The following DGKB variants were observed in gnomAD, a reference collection of about 807,000 sequenced individuals.
DGKB encodes the protein 90 kDa diacylglycerol kinase.
Under a neutral mutation model 114.3 loss-of-function variants are expected in DGKB, and 67 were observed. The observed-to-expected ratio is 0.59, with a 90% CI of 0.48 to 0.72. The LOEUF is 0.72. Among genes scored for constraint, DGKB ranks in the 30% least tolerant of loss-of-function variants. The probability of loss-of-function intolerance (pLI) is 0.00; values close to 1 mark genes in which losing one functional copy is unlikely to be tolerated. For synonymous variants in DGKB, 398 were observed against 323.1 expected (o/e 1.23, Z -2.49); for missense variants, 907 against 975.2 (o/e 0.93, Z 0.93).
intron 23 of DGKB, among the ~76,000 whole-genome samples, chr7:14,327,203 G>A (rs1259457234): frequency 1.3e-5 from 2 of 152,060 alleles, no homozygotes; most frequent in Non-Finnish European, 2.9e-5. Context: ...ACCTGTTATA[G>A]TTCCTTTTTG....
At chr7:14,929,273 G>A (rs1311965058) in intron 1 of DGKB, among the ~76,000 whole-genome samples, 2 of 151,974 alleles carry the variant, frequency 1.3e-5, no homozygotes, top group Non-Finnish European at 2.9e-5. Flanking sequence ...TGAATAAATT[G>A]GGAGTTCAAT....
chr7:14,695,274 A>G (rs1486351935), intron 8 of DGKB, among the ~76,000 whole-genome samples: 2 of 152,074 alleles, frequency 1.3e-5, no homozygotes, highest in African/African-American at 4.8e-5. Context: ...TAAAACAATG[A>G]CATTTGTTTC....
chr7:14,515,530 T>C (rs973609210), intron 20 of DGKB, among the ~76,000 whole-genome samples: 2 of 152,294 alleles, frequency 1.3e-5, no homozygotes, highest in Middle Eastern at 3.4e-3. Context: ...ATTTGCCTAC[T>C]AAAGTTGGAT....
chr7:14,701,972 T>C (rs1415400846), intron 6 of DGKB, among the ~76,000 whole-genome samples: 2 of 152,162 alleles, frequency 1.3e-5, no homozygotes, highest in African/African-American at 2.4e-5. Context: ...CACTAAAAAG[T>C]ACTATTATTT....
intron 13 of DGKB, among the ~76,000 whole-genome samples, chr7:14,650,891 A>C (rs1403582563): frequency 2.0e-5 from 3 of 152,030 alleles, no homozygotes; most frequent in Non-Finnish European, 4.4e-5. Context: ...AAACTAGAAA[A>C]TCTAGAAGAA....
At chr7:14,570,413 A>G (rs1489595986) in intron 20 of DGKB, among the ~76,000 whole-genome samples, 7 of 152,164 alleles carry the variant, frequency 4.6e-5, no homozygotes, top group African/African-American at 7.2e-5. Flanking sequence ...CCTGAACAAC[A>G]TGGGAGTTAG....
chr7:14,520,099 G>T (rs1789505375), intron 20 of DGKB, among the ~76,000 whole-genome samples: 1 of 151,092 alleles, frequency 6.6e-6, no homozygotes, highest in African/African-American at 2.4e-5. Context: ...TCAATATAAT[G>T]TCTAAAGACA....
intron 21 of DGKB, among the ~76,000 whole-genome samples, chr7:14,435,996 T>A (rs1260544848): frequency 1.3e-5 from 2 of 152,048 alleles, no homozygotes; most frequent in Non-Finnish European, 2.9e-5. Context: ...AAATTATCAG[T>A]CTTTTTGGCA....
intron 20 of DGKB, among the ~76,000 whole-genome samples, chr7:14,529,309 G>A (rs1263435301): frequency 1.3e-5 from 2 of 151,750 alleles, no homozygotes; most frequent in Non-Finnish European, 2.9e-5. Flanking sequence ...GAGAAACTAT[G>A]GCTTAACATG....
chr7:14,410,231 CATGCACACATGT>C, intron 21 of DGKB, among the ~76,000 whole-genome samples: 1 of 150,790 alleles, frequency 6.6e-6, no homozygotes, highest in South Asian at 2.1e-4. Context: ...TATACATATA[CATGCACACATGT>C]ATATATATAC....
intron 23 of DGKB, among the ~76,000 whole-genome samples, chr7:14,223,237 AT>A (rs1360757949): frequency 1.3e-5 from 2 of 151,482 alleles, no homozygotes; most frequent in Non-Finnish European, 3.0e-5. Flanking sequence ...TGCATTTAGT[AT>A]TTTCAAATGC....
At chr7:14,318,595 T>C (rs1334245262) in intron 23 of DGKB, among the ~76,000 whole-genome samples, 4 of 152,200 alleles carry the variant, frequency 2.6e-5, no homozygotes, top group African/African-American at 9.6e-5. Context: ...AGATACCATC[T>C]CACACCAGTT....
intron 23 of DGKB, chr7:14,191,873 T>C (rs1784366910): frequency 7.7e-6 from 4 of 516,744 alleles, no homozygotes; most frequent in Admixed American, 2.2e-5. Flanking sequence ...TCACATTGCT[T>C]GCCAGTTTGC....
chr7:14,169,777 AATAAG>A (rs1780574023), intron 25 of DGKB, among the ~76,000 whole-genome samples: 1 of 152,082 alleles, frequency 6.6e-6, no homozygotes, highest in Admixed American at 6.6e-5. Flanking sequence ...AAATAATATA[AATAAG>A]ATGAAAAGGG....
chr7:14,791,414 TAC>T (rs1840646836), intron 2 of DGKB, among the ~76,000 whole-genome samples: 1 of 141,672 alleles, frequency 7.1e-6, no homozygotes, highest in Non-Finnish European at 1.5e-5. Context: ...TTATTTTCTT[TAC>T]TTGTCTTATT....
At chr7:14,620,540 T>C (rs928268150) in intron 15 of DGKB, among the ~76,000 whole-genome samples, 10 of 151,772 alleles carry the variant, frequency 6.6e-5, no homozygotes, top group African/African-American at 2.4e-4. Flanking sequence ...ACATACTGTT[T>C]GTATGTTAAA....
At chr7:14,767,617 T>C (rs1003865973) in intron 2 of DGKB, among the ~76,000 whole-genome samples, 1 of 152,090 alleles carries the variant, frequency 6.6e-6, no homozygotes, top group African/African-American at 2.4e-5. Flanking sequence ...ACTTCCTCTC[T>C]TTAACCAACA....
intron 21 of DGKB, among the ~76,000 whole-genome samples, chr7:14,449,582 C>G (rs948095188): frequency 3.3e-4 from 50 of 152,026 alleles, no homozygotes; most frequent in African/African-American, 1.1e-3. Context: ...GGCATTCCAG[C>G]TACAATAACC....
At chr7:14,193,846 G>C (rs1174794474) in intron 23 of DGKB, among the ~76,000 whole-genome samples, 1 of 151,732 alleles carries the variant, frequency 6.6e-6, no homozygotes, top group East Asian at 1.9e-4. Context: ...AACTCAATGG[G>C]AAAAAAACCC....
Sources: gnomAD v4.1 joint callset for allele counts (sites outside exome capture counted in the v4.1 genomes callset) on GRCh38, gnomAD v4.1.1 for gene constraint, MANE v1.5 for transcripts, NCBI Gene and HGNC (gene_info 2026-07-23, HGNC 2026-07-21) for gene names.